SH3RF1: variants seen among roughly 807,000 people sequenced by gnomAD.
SH3RF1 encodes the protein E3 ubiquitin-protein ligase SH3RF1.
Under a neutral mutation model 74.0 loss-of-function variants are expected in SH3RF1, and 32 were observed. The ratio of observed to expected loss-of-function variants is 0.43; its 90% CI spans 0.33 to 0.58. The LOEUF (loss-of-function observed/expected upper bound fraction) is 0.58. Among genes scored for constraint, SH3RF1 ranks in the 20% least tolerant of loss-of-function variants. SH3RF1 has a pLI of 0.05. For missense variants in SH3RF1, 954 were observed against 1,130.9 expected (o/e 0.84, Z 2.24); for synonymous variants, 396 against 439.6 (o/e 0.90, Z 1.24).
intron 4 of SH3RF1, among the ~76,000 whole-genome samples, chr4:169,138,089 G>T (rs1733728412): frequency 6.6e-6 from 1 of 152,326 alleles, no homozygotes; most frequent in East Asian, 1.9e-4. Flanking sequence ...GGATGAAAAT[G>T]AGGTTCTAGT....
intron 2 of SH3RF1, among the ~76,000 whole-genome samples, chr4:169,191,510 CCAT>C (rs1734708896): frequency 6.6e-6 from 1 of 152,064 alleles, no homozygotes. Context: ...CATCAAAATA[CCAT>C]CATTATTCTT....
chr4:169,251,750 G>A (rs1198798180), intron 2 of SH3RF1, among the ~76,000 whole-genome samples: 1 of 152,154 alleles, frequency 6.6e-6, no homozygotes, highest in Non-Finnish European at 1.5e-5. Context: ...GAACAAAGGT[G>A]GCTTCCTTCG....
intron 6 of SH3RF1, among the ~76,000 whole-genome samples, chr4:169,126,153 G>A (rs1733520195): frequency 6.6e-6 from 1 of 152,146 alleles, no homozygotes; most frequent in African/African-American, 2.4e-5. Context: ...GTGAAGTCAG[G>A]GACTGTCTCA....
intron 2 of SH3RF1, among the ~76,000 whole-genome samples, chr4:169,211,689 T>C (rs373053024): frequency 8.5e-5 from 13 of 152,320 alleles, no homozygotes; most frequent in African/African-American, 2.9e-4. Flanking sequence ...GGAAGTGTTA[T>C]GAACAATTAA....
rs1733337202 is a variant in SH3RF1 at position 169,116,535 on chromosome 4, G to C, written c.1873C>G (p.His625Asp). 6.2e-7 allele frequency: 1 copy of C among 1,612,634 alleles called. No individual in the cohort carries two copies. The highest frequency in any genetic ancestry group is 1.3e-5 in the African/African-American group (1 of 75,048). Residue 625 changes from histidine (H) to aspartate (D), a missense_variant, in exon 10 of 12, where the codon CAT (histidine) becomes GAT (aspartate). His to Asp is a moderately conservative substitution (Grantham distance 81, BLOSUM62 -1). Coordinates refer to ENST00000284637, the MANE Select transcript of SH3RF1 (RefSeq NM_020870.4). ...GLSPASVGLSHHSLASPQPAP... is the reference protein window; with the variant it reads ...GLSPASVGLSDHSLASPQPAP... ...GGTTGTGGGGAGGCCAGCGAGTGAT[G>C]GGACAGGCCCACAGATGCAGGGCTG...
intron 2 of SH3RF1, among the ~76,000 whole-genome samples, chr4:169,181,602 A>G (rs1376243045): frequency 6.6e-6 from 1 of 152,120 alleles, no homozygotes; most frequent in African/African-American, 2.4e-5. Flanking sequence ...GGTTAATAAA[A>G]TCTTTCAGGT....
At chr4:169,149,062 T>C (rs1474948844) in intron 4 of SH3RF1, among the ~76,000 whole-genome samples, 1 of 152,184 alleles carries the variant, frequency 6.6e-6, no homozygotes, top group Non-Finnish European at 1.5e-5. Context: ...TTATGTTCTA[T>C]GAAACTACCT....
At chr4:169,152,465 C>T (rs140290759) in intron 4 of SH3RF1, among the ~76,000 whole-genome samples, 541 of 152,278 alleles carry the variant, frequency 3.6e-3, no homozygotes, top group African/African-American at 0.012. Flanking sequence ...TGGCTGGGTG[C>T]GGTGGCTCAC....
intron 2 of SH3RF1, among the ~76,000 whole-genome samples, chr4:169,261,346 C>G (rs940431673): frequency 6.6e-6 from 1 of 152,152 alleles, no homozygotes; most frequent in African/African-American, 2.4e-5. Flanking sequence ...GAAGCAAGGA[C>G]AGTGAGGAAA....
At chr4:169,231,641 C>A (rs1395217865) in intron 2 of SH3RF1, among the ~76,000 whole-genome samples, 2 of 151,646 alleles carry the variant, frequency 1.3e-5, no homozygotes, top group African/African-American at 4.8e-5. Context: ...TTCTAAATAA[C>A]TAAGATTAGT....
At chr4:169,231,243 T>C (rs1730733554) in intron 2 of SH3RF1, among the ~76,000 whole-genome samples, 1 of 152,186 alleles carries the variant, frequency 6.6e-6, no homozygotes, top group African/African-American at 2.4e-5. Flanking sequence ...TCTGGTCATG[T>C]TTGTTATCCC....
At chr4:169,227,463 G>A (rs757348312) in intron 2 of SH3RF1, among the ~76,000 whole-genome samples, 25 of 152,186 alleles carry the variant, frequency 1.6e-4, no homozygotes, top group Non-Finnish European at 1.0e-4. Flanking sequence ...ACAAAAATAT[G>A]TAGTTGTCTT....
chr4:169,123,702 TA>T (rs1733478586), intron 6 of SH3RF1, among the ~76,000 whole-genome samples: 1 of 152,094 alleles, frequency 6.6e-6, no homozygotes, highest in Non-Finnish European at 1.5e-5. Flanking sequence ...CCATTTTGGC[TA>T]ACACGGTGAA....
At chr4:169,183,064 G>C (rs1486852158) in intron 2 of SH3RF1, among the ~76,000 whole-genome samples, 2 of 152,112 alleles carry the variant, frequency 1.3e-5, no homozygotes, top group Admixed American at 6.5e-5. Context: ...CCAGCAGTTT[G>C]GGAGTCTAAG....
intron 2 of SH3RF1, among the ~76,000 whole-genome samples, chr4:169,221,427 C>T (rs1295806446): frequency 6.6e-6 from 1 of 152,068 alleles, no homozygotes; most frequent in Admixed American, 6.6e-5. Flanking sequence ...AAAAATAAAA[C>T]TCTTAAAATT....
intron 4 of SH3RF1, among the ~76,000 whole-genome samples, chr4:169,153,544 G>A (rs941571299): frequency 6.6e-6 from 1 of 152,128 alleles, no homozygotes; most frequent in Non-Finnish European, 1.5e-5. Context: ...CCACAGCTAA[G>A]AATGCCCTGT....
At chr4:169,124,702 G>A (rs1294568973) in intron 6 of SH3RF1, among the ~76,000 whole-genome samples, 3 of 152,238 alleles carry the variant, frequency 2.0e-5, no homozygotes, top group South Asian at 2.1e-4. Context: ...CCCCTGTGGG[G>A]TTGGTGAAAT....
rs796827531 is a variant in SH3RF1, at chr4:169,102,393, A to AG, written c.2498+4453dup. ...TAATCCCTGATCAAAGATCATACATAGATTTTTTTTTTTCCCCCAATTTAG... is the reference window on the plus strand; with the variant it reads ...TAATCCCTGATCAAAGATCATACATAGGATTTTTTTTTTTCCCCCAATTTAG... On this transcript the variant is annotated intron_variant, in intron 11 of 11. Coordinates refer to ENST00000284637, the MANE Select transcript of SH3RF1 (RefSeq NM_020870.4). 1.0e-3 allele frequency among the ~76,000 whole-genome samples: 155 copies of AG among 148,672 alleles called. No homozygotes were observed. The South Asian group carries it at 0.012, about 11-fold the overall frequency.
intron 4 of SH3RF1, among the ~76,000 whole-genome samples, chr4:169,137,090 CAA>C (rs1733714261): frequency 6.6e-6 from 1 of 152,148 alleles, no homozygotes; most frequent in Non-Finnish European, 1.5e-5. Context: ...AGCAAGAAGA[CAA>C]AGAATAAAAC....
Sources: gnomAD v4.1 joint callset for allele counts (sites outside exome capture counted in the v4.1 genomes callset) on GRCh38, gnomAD v4.1.1 for gene constraint, MANE v1.5 for transcripts, NCBI Gene and HGNC (gene_info 2026-07-23, HGNC 2026-07-21) for gene names.